Variants in KDM4C observed in about 807,000 individuals in gnomAD.
KDM4C encodes the protein lysine demethylase 4C.
KDM4C carries 81 observed loss-of-function variants against 129.3 expected under a neutral mutation model. That is an observed-to-expected ratio of 0.63 (90% confidence interval 0.52 to 0.75). KDM4C has a LOEUF of 0.75. Ranked by LOEUF, KDM4C falls within the 30% of genes least tolerant of loss-of-function variation. The pLI, the probability that KDM4C is intolerant of heterozygous loss-of-function variation, is 0.00. For missense variants in KDM4C, 1,457 were observed against 1,304.0 expected, an observed-to-expected ratio of 1.12 and a Z score of -1.81; for synonymous variants, 573 against 456.1, an observed-to-expected ratio of 1.26 and a Z score of -3.26.
At chr9:7,105,257 C>T (rs1040900430) in intron 18 of KDM4C, 3 of 319,560 alleles carry the variant, frequency 9.4e-6, no homozygotes, top group South Asian at 5.3e-5. Context: ...TGAACAAGGT[C>T]GTGACCTCTG....
Position 6,793,066 on chromosome 9 carries a change from C to T in KDM4C, c.78C>T (p.Phe26=). Reference sequence around the variant, plus strand: ...CCTTCAGACCCTCCATGGAGGAGTTCCGGGAGTTCAACAAATACCTTGCAT... The same window carrying T: ...CCTTCAGACCCTCCATGGAGGAGTTTCGGGAGTTCAACAAATACCTTGCAT... ...IMTFRPSMEE[F]REFNKYLAYM... is the part of the protein sequence containing the mutation. Residue 26 remains phenylalanine, a synonymous_variant, in exon 2 of 22, where the codon TTC becomes TTT. Transcript: ENST00000381309. 2 of 1,614,050 alleles carry T rather than the reference C, an allele frequency of 1.2e-6. No individual in the cohort carries two copies. The highest frequency in any genetic ancestry group is 1.7e-6 in the Non-Finnish European group (2 of 1,179,994).
chr9:7,087,825 A>G (rs1255235422), intron 17 of KDM4C, among the ~76,000 whole-genome samples: 7 of 152,228 alleles, frequency 4.6e-5, no homozygotes, highest in Non-Finnish European at 7.3e-5. Context: ...CACAAGAAGT[A>G]TAGCTTCTAC....
At chr9:6,921,297 G>A (rs1163752172) in intron 8 of KDM4C, among the ~76,000 whole-genome samples, 1 of 152,154 alleles carries the variant, frequency 6.6e-6, no homozygotes, top group Non-Finnish European at 1.5e-5. Context: ...ACAAACTCCT[G>A]CCATGAAATC....
intron 1 of KDM4C, among the ~76,000 whole-genome samples, chr9:6,785,341 C>CT (rs112696938): frequency 0.35 from 50,677 of 145,264 alleles, 8,655 homozygotes; most frequent in African/African-American, 0.4. Context: ...TCCTCTTCCT[C>CT]TTTTTTTTTT....
At chr9:7,156,048 A>G (rs1843136742) in intron 19 of KDM4C, among the ~76,000 whole-genome samples, 1 of 152,196 alleles carries the variant, frequency 6.6e-6, no homozygotes, top group Non-Finnish European at 1.5e-5. Context: ...AATGATCACC[A>G]TTCTAACTGG....
chr9:7,126,888 T>C (rs1840078451), intron 18 of KDM4C, among the ~76,000 whole-genome samples: 1 of 151,528 alleles, frequency 6.6e-6, no homozygotes, highest in African/African-American at 2.4e-5. Flanking sequence ...GAAAGAAAGA[T>C]CACAAGAACC....
At chr9:6,958,557 A>G (rs1471667443) in intron 8 of KDM4C, among the ~76,000 whole-genome samples, 1 of 151,994 alleles carries the variant, frequency 6.6e-6, no homozygotes, top group Admixed American at 6.6e-5. Context: ...ATTGCATTCC[A>G]GCCTGGGCAA....
At chr9:7,166,328 G>A (rs923092877) in intron 20 of KDM4C, among the ~76,000 whole-genome samples, 5 of 152,182 alleles carry the variant, frequency 3.3e-5, no homozygotes, top group Non-Finnish European at 5.9e-5. Context: ...AGGACCTGGA[G>A]CACAGTGTAA....
Position 7,049,217 on chromosome 9 carries a change from C to T in KDM4C, c.2424+17C>T, listed in dbSNP as rs771477764. 1 of 1,312,476 alleles carries T rather than the reference C, an allele frequency of 7.6e-7. No homozygotes were observed. 81.3% of individuals were successfully genotyped at this position (1,312,476 alleles called of 1,614,324 possible). A position where few individuals can be genotyped will look rare whatever the true frequency, so the allele number is the denominator to read the frequency against. ...TTAAAATTGGTGAGTGGCAAAGCTT[C>T]TTTTTTACCTCATAAATTAGTGTTA... On this transcript the variant is annotated intron_variant, in intron 17 of 21. Transcript: ENST00000381309.
intron 4 of KDM4C, among the ~76,000 whole-genome samples, chr9:6,822,113 T>C (rs1485017704): frequency 6.6e-6 from 1 of 152,220 alleles, no homozygotes; most frequent in East Asian, 1.9e-4. Context: ...CCTTTGGGTA[T>C]ATATTGAAGA....
chr9:6,803,912 C>T lies in KDM4C; in HGVS notation c.145-1687C>T, dbSNP rs1588384353. 2.0e-5 allele frequency among the ~76,000 whole-genome samples: 3 copies of T among 152,242 alleles called. No homozygotes were observed. The East Asian group carries it at 5.8e-4, about 29-fold the overall frequency. On this transcript the variant is annotated intron_variant, in intron 2 of 21. Coordinates refer to ENST00000381309, the MANE Select transcript of KDM4C (RefSeq NM_015061.6). ...TCTTGGCTCACTGCAGCCTCCACCT[C>T]CTGGGTTCAAAGTGATTCTCCTGCC...
At chr9:6,948,189 A>C (rs924002525) in intron 8 of KDM4C, 4 of 152,232 alleles carry the variant, frequency 2.6e-5, no homozygotes, top group Non-Finnish European at 4.4e-5. Flanking sequence ...AAGCATTACT[A>C]ACTGCATTAA....
chr9:6,902,059 A>G (rs1817499893), intron 8 of KDM4C, among the ~76,000 whole-genome samples: 2 of 152,304 alleles, frequency 1.3e-5, no homozygotes, highest in South Asian at 4.1e-4. Flanking sequence ...AGGGAGTTAA[A>G]TTAGGCCTTT....
intron 2 of KDM4C, among the ~76,000 whole-genome samples, chr9:6,800,402 A>G (rs1009459930): frequency 1.3e-5 from 2 of 151,602 alleles, no homozygotes; most frequent in African/African-American, 4.8e-5. Flanking sequence ...AACTGAGCGT[A>G]GGAGCATGTG....
chr9:6,788,026 C>G (rs1825829565), intron 1 of KDM4C, among the ~76,000 whole-genome samples: 1 of 152,204 alleles, frequency 6.6e-6, no homozygotes, highest in Non-Finnish European at 1.5e-5. Context: ...CTTGAAGAGT[C>G]CGATAGTCTC....
At chr9:7,017,806 T>G (rs1823956132) in intron 15 of KDM4C, among the ~76,000 whole-genome samples, 1 of 152,176 alleles carries the variant, frequency 6.6e-6, no homozygotes. Context: ...TGAATGACAA[T>G]ATAAAGAATA....
chr9:6,899,326 C>T (rs185416857), intron 8 of KDM4C, among the ~76,000 whole-genome samples: 1 of 152,182 alleles, frequency 6.6e-6, no homozygotes, highest in East Asian at 1.9e-4. Context: ...TACAATGATG[C>T]ATCATTATCC....
chr9:7,049,196 A>G lies in KDM4C; in HGVS notation c.2420A>G (p.Lys807Arg). 1.3e-6 allele frequency: 2 copies of G among 1,559,574 alleles called. No individual in the cohort carries two copies. The highest frequency in any genetic ancestry group is 1.8e-6 in the Non-Finnish European group (2 of 1,134,922). The change falls in exon 17 of 22, where the codon AAA (lysine) becomes AGA (arginine). Residue 807 changes from lysine (K) to arginine (R), a missense_variant. Coordinates refer to ENST00000381309, the MANE Select transcript of KDM4C (RefSeq NM_015061.6). The part of the protein sequence containing the change: ...DVGRIPLQRL[K>R]LKCIFCRHRV... ...GGCAGAATACCTTTACAGAGGTTAA[A>G]ATTGGTGAGTGGCAAAGCTTCTTTT...
intron 8 of KDM4C, among the ~76,000 whole-genome samples, chr9:6,972,398 G>C (rs1221350553): frequency 6.6e-6 from 1 of 151,884 alleles, no homozygotes; most frequent in East Asian, 1.9e-4. Flanking sequence ...AGTTTACATG[G>C]TTATACCATA....
Sources: gnomAD v4.1 joint callset for allele counts (sites outside exome capture counted in the v4.1 genomes callset) on GRCh38, gnomAD v4.1.1 for gene constraint, MANE v1.5 for transcripts, NCBI Gene and HGNC (gene_info 2026-07-23, HGNC 2026-07-21) for gene names.